The following EDEM2 variants were observed in gnomAD, a reference collection of about 807,000 sequenced individuals.
The protein encoded by EDEM2 is ER degradation enhancing alpha-mannosidase like protein 2.
A neutral mutation model predicts 64.8 loss-of-function variants in EDEM2; 39 were observed. The observed-to-expected ratio is 0.60, with a 90% confidence interval of 0.47 to 0.79. The LOEUF (loss-of-function observed/expected upper bound fraction) is 0.79, where lower values mean the gene tolerates loss of function less well. Among genes scored for constraint, EDEM2 ranks in the 30% least tolerant of loss-of-function variants. The pLI, the probability that EDEM2 is intolerant of heterozygous loss-of-function variation, is 0.00. For synonymous variants in EDEM2, 296 were observed against 291.5 expected (o/e 1.02, Z -0.16); for missense variants, 609 against 731.3 (o/e 0.83, Z 1.93).
Position 35,142,279 on chromosome 20 carries a change from G to A in EDEM2, c.364+94C>T, listed in dbSNP as rs971892866. 3.2e-5 allele frequency: 32 copies of A among 1,012,972 alleles called. 1 individual carries two copies. In the Middle Eastern group the frequency reaches 8.7e-4, roughly 27 times the overall value. The allele number at this position is 1,012,972 out of a possible 1,614,324, so 62.7% of individuals were successfully genotyped here. A position where few individuals can be genotyped will look rare whatever the true frequency, so the allele number is the denominator to read the frequency against. ...AGGTTTTGGCCAAGGGTCCTGGCATGGTCAGTCCTTAAAATCCTATTTACC... is the reference window on the plus strand; with the variant it reads ...AGGTTTTGGCCAAGGGTCCTGGCATAGTCAGTCCTTAAAATCCTATTTACC... On this transcript the variant is annotated intron_variant, in intron 4 of 10. Coordinates refer to ENST00000374492, the MANE Select transcript of EDEM2 (RefSeq NM_018217.3).
At chr20:35,146,144 A>G (rs2085729264) in intron 2 of EDEM2, among the ~76,000 whole-genome samples, 1 of 152,122 alleles carries the variant, frequency 6.6e-6, no homozygotes, top group Admixed American at 6.5e-5. Context: ...GATACAAAGG[A>G]AAGTTAATAG....
At chr20:35,124,721 G>A (rs1014545780) in intron 8 of EDEM2, among the ~76,000 whole-genome samples, 1 of 152,030 alleles carries the variant, frequency 6.6e-6, no homozygotes, top group African/African-American at 2.4e-5. Flanking sequence ...CTTTATGCAT[G>A]AGTATATGTT....
chr20:35,126,239 G>A lies in EDEM2; in HGVS notation c.969+12C>T. The A allele has an allele frequency of 1.2e-6, 2 of 1,610,496 alleles. No individual in the cohort carries two copies. Among genetic ancestry groups the A allele is most frequent in the Non-Finnish European group, 1.7e-6 (2 of 1,179,132 alleles). On this transcript the variant is annotated intron_variant, in intron 8 of 10. Coordinates refer to ENST00000374492, the MANE Select transcript of EDEM2 (RefSeq NM_018217.3). ...TCATAGAAAGATGATCACATTCTTT[G>A]ATCATTCCTACCTGAAGACCAGGCC...
In EDEM2 at chr20:35,115,664, C is replaced by T. The variant is rs757480326; in HGVS notation, c.1506G>A (p.Met502Ile). 1.9e-6 allele frequency: 3 copies of T among 1,614,258 alleles called. No homozygotes were observed. In the East Asian group the frequency reaches 6.7e-5, roughly 36 times the overall value. ...KEEQWEVEDL[M>I]REFYSLKRSR... Reference sequence around the variant, plus strand: ...TCCGTTTGAGAGAGTAGAATTCCCTCATCAAGTCCTCCACCTCCCACTGCT... The same window carrying T: ...TCCGTTTGAGAGAGTAGAATTCCCTTATCAAGTCCTCCACCTCCCACTGCT... The change falls in exon 11 of 11, where the codon ATG becomes ATA. Residue 502 changes from methionine (M) to isoleucine (I), a missense_variant. Coordinates refer to ENST00000374492, the MANE Select transcript of EDEM2 (RefSeq NM_018217.3).
At chr20:35,121,535 G>A (rs1304923471) in intron 9 of EDEM2, among the ~76,000 whole-genome samples, 1 of 152,176 alleles carries the variant, frequency 6.6e-6, no homozygotes, top group African/African-American at 2.4e-5. Context: ...ACCGGTCCAC[G>A]GCCTGGGGGT....
Position 35,147,299 on chromosome 20 carries a change from C to A in EDEM2, c.-41G>T. The stretch of plus-strand genomic sequence containing the variant: ...TCAGCGCCCCCGCAGCAGCAGCAGC[C>A]ACTGCAACCAGTTCATCCTGGGAGC... On this transcript the variant is annotated 5_prime_UTR_variant, in exon 1 of 11. Coordinates refer to ENST00000374492, the MANE Select transcript of EDEM2 (RefSeq NM_018217.3). The A allele has an allele frequency of 1.4e-6, 2 of 1,457,944 alleles. No homozygotes were observed. The highest frequency in any genetic ancestry group is 1.8e-6 in the Non-Finnish European group (2 of 1,100,872). 90.3% of individuals were successfully genotyped at this position (1,457,944 alleles called of 1,614,324 possible). A position where few individuals can be genotyped will look rare whatever the true frequency, so the allele number is the denominator to read the frequency against.
At chr20:35,141,359 A>G (rs1042821223) in intron 4 of EDEM2, among the ~76,000 whole-genome samples, 2 of 152,192 alleles carry the variant, frequency 1.3e-5, no homozygotes, top group African/African-American at 4.8e-5. Context: ...ACCAAAAGAA[A>G]GCTGGTATCA....
chr20:35,134,832 G>T lies in EDEM2; in HGVS notation c.608C>A (p.Ala203Asp), dbSNP rs868362815. The part of the protein sequence containing the change: ...AGIGTFIVEF[A>D]TLSSLTGDPV... ...GTCACCAGTGAGGCTGCTCAGGGTG[G>T]CAAATTCAACAATGAAGGTCCCAAT... The change falls in exon 6 of 11, where the codon GCC becomes GAC. Residue 203 changes from alanine (A) to aspartate (D), a missense_variant. Ala to Asp is a moderately radical substitution (Grantham distance 126). Coordinates refer to ENST00000374492, the MANE Select transcript of EDEM2 (RefSeq NM_018217.3). 6.2e-7 allele frequency: 1 copy of T among 1,614,124 alleles called. No homozygotes were observed. The highest frequency in any genetic ancestry group is 1.3e-5 in the African/African-American group (1 of 75,030).
chr20:35,130,071 A>T lies in EDEM2; in HGVS notation c.844+1571T>A, dbSNP rs1051760937. Among the ~76,000 whole-genome samples the T allele has an allele frequency of 1.2e-4, 18 of 152,210 alleles. No individual in the cohort carries two copies. In the South Asian group the frequency reaches 1.5e-3, roughly 12 times the overall value. ...AGAATTCTTAATTCATTAAATTTTT[A>T]AAAATTTTTATTTTTGAGACAGGGT... On this transcript the variant is annotated intron_variant, in intron 7 of 10. Transcript: ENST00000374492.
chr20:35,123,632 G>A (rs1443881012), intron 9 of EDEM2, among the ~76,000 whole-genome samples: 3 of 152,106 alleles, frequency 2.0e-5, no homozygotes, highest in African/African-American at 7.2e-5. Flanking sequence ...ATTTAGTTAG[G>A]AGCCCTGGGT....
chr20:35,147,276 A>C lies in EDEM2; in HGVS notation c.-18T>G. The C allele has an allele frequency of 1.3e-6, 2 of 1,507,650 alleles. No individual in the cohort carries two copies. Among genetic ancestry groups the C allele is most frequent in the Non-Finnish European group, 8.9e-7 (1 of 1,124,954 alleles). 93.4% of individuals were successfully genotyped at this position (1,507,650 alleles called of 1,614,324 possible). On this transcript the variant is annotated 5_prime_UTR_variant, in exon 1 of 11. An upstream open reading frame in the 5' UTR loses its in-frame stop. Transcript: ENST00000374492. ...AAAGGCATAGAGCTCGTGTCCTCTC[A>C]GCGCCCCCGCAGCAGCAGCAGCCAC...
chr20:35,127,731 C>T lies in EDEM2; in HGVS notation c.845-1356G>A, dbSNP rs185035378. 2.6e-4 allele frequency among the ~76,000 whole-genome samples: 40 copies of T among 152,288 alleles called. 1 individual carries two copies. Among genetic ancestry groups the T allele is most frequent in the African/African-American group, 8.9e-4 (37 of 41,566 alleles). ...AGTCCCCCCTTATGTGAGGAGAATA[C>T]GTTCCAAGACCCTCAGTGGATGTCT... On this transcript the variant is annotated intron_variant, in intron 7 of 10. Transcript: ENST00000374492.
chr20:35,143,567 G>A (rs965503062), intron 3 of EDEM2, among the ~76,000 whole-genome samples: 2 of 152,084 alleles, frequency 1.3e-5, no homozygotes, highest in African/African-American at 4.8e-5. Context: ...TATTTAAACC[G>A]TTAGCCAAAT....
Position 35,147,309 on chromosome 20 carries a change from A to G in EDEM2, c.-51T>C. 1 of 1,438,208 alleles carries G rather than the reference A, an allele frequency of 7.0e-7. No homozygotes were observed. Among genetic ancestry groups the G allele is most frequent in the Non-Finnish European group, 9.2e-7 (1 of 1,091,216 alleles). The allele number at this position is 1,438,208 out of a possible 1,614,324, so 89.1% of individuals were successfully genotyped here. A position where few individuals can be genotyped will look rare whatever the true frequency, so the allele number is the denominator to read the frequency against. On this transcript the variant is annotated 5_prime_UTR_variant, in exon 1 of 11. Coordinates refer to ENST00000374492, the MANE Select transcript of EDEM2 (RefSeq NM_018217.3). Reference sequence around the variant, plus strand: ...CGCAGCAGCAGCAGCCACTGCAACCAGTTCATCCTGGGAGCTGCTGCGGGT... The same window carrying G: ...CGCAGCAGCAGCAGCCACTGCAACCGGTTCATCCTGGGAGCTGCTGCGGGT...
intron 4 of EDEM2, among the ~76,000 whole-genome samples, chr20:35,138,429 G>T (rs1160989681): frequency 1.3e-5 from 2 of 152,078 alleles, no homozygotes; most frequent in African/African-American, 4.8e-5. Flanking sequence ...TGGTAGGGCT[G>T]AGTATCTTTG....
At chr20:35,125,700 G>A (rs2085423806) in intron 8 of EDEM2, among the ~76,000 whole-genome samples, 1 of 151,980 alleles carries the variant, frequency 6.6e-6, no homozygotes, top group Non-Finnish European at 1.5e-5. Flanking sequence ...TTTATTTTTT[G>A]TAGAGATGAG....
intron 9 of EDEM2, among the ~76,000 whole-genome samples, chr20:35,119,964 T>TCATCTCCC (rs1452104917): frequency 3.9e-5 from 6 of 152,210 alleles, no homozygotes; most frequent in Non-Finnish European, 5.9e-5. Flanking sequence ...TTCTATACCA[T>TCATCTCCC]CATCTCCCCC....
intron 7 of EDEM2, among the ~76,000 whole-genome samples, chr20:35,129,795 A>C (rs1271546683): frequency 6.6e-6 from 1 of 152,146 alleles, no homozygotes; most frequent in Non-Finnish European, 1.5e-5. Flanking sequence ...ATGTTTATAT[A>C]CATACTTACC....
intron 9 of EDEM2, among the ~76,000 whole-genome samples, chr20:35,123,367 C>G (rs1600703183): frequency 6.6e-6 from 1 of 152,058 alleles, no homozygotes. Context: ...CCAAGGTGGG[C>G]GGATCACCTG....
Sources: allele counts gnomAD v4.1 joint callset (sites outside exome capture counted in the v4.1 genomes callset), GRCh38; gene constraint gnomAD v4.1.1; transcripts MANE v1.5; gene names NCBI Gene and HGNC (gene_info 2026-07-23, HGNC 2026-07-21).